Variants in STAC3 observed in about 807,000 individuals in gnomAD.
STAC3 encodes the protein SH3 and cysteine rich domain 3, also known as SH3 and cysteine-rich domain-containing protein 3.
A neutral mutation model predicts 48.5 loss-of-function variants in STAC3; 30 were observed. That is an observed-to-expected ratio of 0.62 (90% CI 0.46 to 0.84). The LOEUF (loss-of-function observed/expected upper bound fraction) is 0.84. Among genes scored for constraint, STAC3 ranks in the 40% least tolerant of loss-of-function variants. The pLI is 0.00. For synonymous variants in STAC3, 144 were observed against 158.6 expected (o/e 0.91, Z 0.69); for missense variants, 419 against 462.6 (o/e 0.91, Z 0.86).
chr12:57,243,849 A>G lies in STAC3; in HGVS notation c.1058T>C (p.Val353Ala). The change falls in exon 12 of 12, where the codon GTG (valine) becomes GCG (alanine). Residue 353 changes from valine (V) to alanine (A), a missense_variant. By Grantham distance (64) the Val-to-Ala change is moderately conservative. Transcript: ENST00000332782. ...GYVKVYTGRK[V>A]GLFPTDFLEE... ...TAGAAAGTCGGTGGGAAACAGCCCCACCTTGCGGCCGGTGTAGACCTTGAC... is the reference window on the plus strand; with the variant it reads ...TAGAAAGTCGGTGGGAAACAGCCCCGCCTTGCGGCCGGTGTAGACCTTGAC... The G allele has an allele frequency of 1.2e-6, 2 of 1,613,936 alleles. No individual in the cohort carries two copies. The highest frequency in any genetic ancestry group is 1.7e-6 in the Non-Finnish European group (2 of 1,179,980).
chr12:57,243,556 C>G lies in STAC3; in HGVS notation c.*256G>C. The G allele has an allele frequency of 2.1e-6, 1 of 473,954 alleles. No homozygotes were observed. The highest frequency in any genetic ancestry group is 4.1e-6 in the Non-Finnish European group (1 of 242,044). 29.4% of individuals were successfully genotyped at this position (473,954 alleles called of 1,614,324 possible). A position where few individuals can be genotyped will look rare whatever the true frequency, so the allele number is the denominator to read the frequency against. On this transcript the variant is annotated 3_prime_UTR_variant, in exon 12 of 12. Transcript: ENST00000332782. ...AGTCCCTGGCTCCTCCTAGTAGATA[C>G]GCGTTTTTTTCCAGCTCTTGCAAGC...
At chr12:57,247,890 T>G (rs547425065) in intron 5 of STAC3, among the ~76,000 whole-genome samples, 2 of 152,284 alleles carry the variant, frequency 1.3e-5, no homozygotes, top group East Asian at 3.9e-4. Context: ...AACTGAAGAT[T>G]CCAGTCTTGG....
At chr12:57,247,422 A>ATTTTTTTTTTT (rs1380789337) in intron 5 of STAC3, among the ~76,000 whole-genome samples, 6 of 68,398 alleles carry the variant, frequency 8.8e-5, no homozygotes, top group African/African-American at 1.8e-4. Flanking sequence ...TATTATTATT[A>ATTTTTTTTTTT]TTATTATTTT....
intron 5 of STAC3, among the ~76,000 whole-genome samples, chr12:57,247,419 A>ATTTTTTT (rs1360362639): frequency 6.2e-4 from 55 of 88,630 alleles, no homozygotes; most frequent in African/African-American, 2.4e-3. Context: ...TATTATTATT[A>ATTTTTTT]TTATTATTAT....
At chr12:57,249,504 A>G (rs1282519423) in intron 2 of STAC3, 67 bp downstream of exon 2, 1 of 1,589,132 alleles carries the variant, frequency 6.3e-7, no homozygotes, top group African/African-American at 1.3e-5. Flanking sequence ...GATCAATTTA[A>G]GCACTCTTCT....
At position 57,248,982 on chromosome 12, in the gene STAC3, C is replaced by T. The variant is rs1306506463; in HGVS notation, c.334+59G>A. ...TGCTACAAATACTCCTCTCCTATGC[C>T]CTCTCCCCAAACCTCTGCCTTCAAT... On this transcript the variant is annotated intron_variant, in intron 3 of 11. Coordinates refer to ENST00000332782, the MANE Select transcript of STAC3 (RefSeq NM_145064.3). The T allele has an allele frequency of 1.9e-6, 3 of 1,562,386 alleles. No homozygotes were observed. In the African/African-American group the frequency reaches 4.1e-5, roughly 21 times the overall value.
chr12:57,245,313 T>G, intron 6 of STAC3, 102 bp from the exon 7 acceptor site: 2 of 1,072,532 alleles, frequency 1.9e-6, no homozygotes, highest in Non-Finnish European at 1.4e-6. Context: ...ATCTCAGAGA[T>G]CTCAGAGTTG....
At chr12:57,245,464 A>C (rs927398754) in intron 6 of STAC3, among the ~76,000 whole-genome samples, 3 of 148,942 alleles carry the variant, frequency 2.0e-5, no homozygotes, top group Non-Finnish European at 4.4e-5. Context: ...CTCCGCCTCC[A>C]GGTTCACGCC....
chr12:57,248,908 C>T, intron 3 of STAC3, 105 bp from the exon 4 acceptor site: 1 of 1,533,262 alleles, frequency 6.5e-7, no homozygotes, highest in Non-Finnish European at 9.0e-7. Context: ...ACCCTACTTG[C>T]TCAATCTCTA....
intron 2 of STAC3, 35 bp downstream of exon 2, chr12:57,249,536 C>A (rs760739551): frequency 3.8e-5 from 58 of 1,526,402 alleles, no homozygotes; most frequent in Non-Finnish European, 1.4e-5. Context: ...GGCTTCCCAG[C>A]CCCCCACACC....
In STAC3 at chr12:57,248,756, G is replaced by A. The variant is rs912482667; in HGVS notation, c.382C>T (p.His128Tyr). ...TCCACATAGGACTGACAGTGTTCAT[G>A]GATGTTGGTTTTGCAGTTCTTACAG... Reference protein sequence around the residue: ...LRCKNCKTNIHEHCQSYVEMQ... With the variant: ...LRCKNCKTNIYEHCQSYVEMQ... Residue 128 changes from histidine (H) to tyrosine (Y), a missense_variant, in exon 4 of 12, where the codon CAT (histidine) becomes TAT (tyrosine). Coordinates refer to ENST00000332782, the MANE Select transcript of STAC3 (RefSeq NM_145064.3). 4 of 1,614,008 alleles carry A rather than the reference G, an allele frequency of 2.5e-6. No individual in the cohort carries two copies. The African/African-American group carries it at 4.0e-5, about 16-fold the overall frequency.
At position 57,248,998 on chromosome 12, in the gene STAC3, T is replaced by C. The variant is rs2037833358; in HGVS notation, c.334+43A>G. On this transcript the variant is annotated intron_variant, in intron 3 of 11. Transcript: ENST00000332782. ...CTCCTATGCCCTCTCCCCAAACCTCTGCCTTCAATATCATACTCTCTTCAC... is the reference window on the plus strand; with the variant it reads ...CTCCTATGCCCTCTCCCCAAACCTCCGCCTTCAATATCATACTCTCTTCAC... 1.9e-6 allele frequency: 3 copies of C among 1,562,358 alleles called. No homozygotes were observed. In the East Asian group the frequency reaches 6.7e-5, roughly 35 times the overall value.
chr12:57,247,977 G>C (rs2037793632), intron 5 of STAC3, 149 bp downstream of exon 5: 2 of 747,986 alleles, frequency 2.7e-6, no homozygotes, highest in Non-Finnish European at 2.4e-6. Flanking sequence ...TATTGCCTCT[G>C]CATCCAAATG....
chr12:57,248,377 CTTTTTTT>C, intron 4 of STAC3, 179 bp from the exon 5 acceptor site: 4 of 452,340 alleles, frequency 8.8e-6, no homozygotes, highest in East Asian at 3.9e-5. Context: ...CATGTCCCCT[CTTTTTTT>C]TTTTTTTTTT....
chr12:57,251,046 A>C lies in STAC3; in HGVS notation c.-55T>G. 2.4e-6 allele frequency: 1 copy of C among 418,158 alleles called. No homozygotes were observed. Among genetic ancestry groups the C allele is most frequent in the Non-Finnish European group, 4.9e-6 (1 of 205,660 alleles). 25.9% of individuals were successfully genotyped at this position (418,158 alleles called of 1,614,324 possible). ...GCTGTAGAGGGAGCTGGGAGCCTCGAGGCCTTGATGGTGGTGCTGGGGAAA... is the reference window on the plus strand; with the variant it reads ...GCTGTAGAGGGAGCTGGGAGCCTCGCGGCCTTGATGGTGGTGCTGGGGAAA... On this transcript the variant is annotated 5_prime_UTR_variant, in exon 1 of 12. Coordinates refer to ENST00000332782, the MANE Select transcript of STAC3 (RefSeq NM_145064.3).
chr12:57,244,421 G>A (rs758442253), intron 9 of STAC3, 55 bp from the exon 10 acceptor site: 14 of 1,613,046 alleles, frequency 8.7e-6, no homozygotes, highest in African/African-American at 1.3e-5. Flanking sequence ...GCTGTGCCCC[G>A]GGTCCAGCAT....
chr12:57,243,638 A>C lies in STAC3; in HGVS notation c.*174T>G. The stretch of plus-strand genomic sequence containing the variant: ...CTGGGCAGCAGGTATCCGAGGCCCC[A>C]GGCTGGGGAAGGGGGCGAGAACCAG... On this transcript the variant is annotated 3_prime_UTR_variant, in exon 12 of 12. Coordinates refer to ENST00000332782, the MANE Select transcript of STAC3 (RefSeq NM_145064.3). 1.4e-6 allele frequency: 1 copy of C among 703,814 alleles called. No homozygotes were observed. Among genetic ancestry groups the C allele is most frequent in the Non-Finnish European group, 2.6e-6 (1 of 390,754 alleles). 43.6% of individuals were successfully genotyped at this position (703,814 alleles called of 1,614,324 possible).
At chr12:57,244,453 T>G (rs1221691326) in intron 9 of STAC3, 84 bp downstream of exon 9, 3 of 1,611,590 alleles carry the variant, frequency 1.9e-6, no homozygotes, top group Non-Finnish European at 2.5e-6. Context: ...AAGCCCTGAG[T>G]CCCCCCTTTT....
intron 5 of STAC3, among the ~76,000 whole-genome samples, chr12:57,247,426 TTA>T (rs1316122301): frequency 7.4e-4 from 31 of 41,690 alleles, no homozygotes; most frequent in African/African-American, 2.6e-3. Flanking sequence ...ATTATTATTA[TTA>T]TTTTTTTTTT....
Sources: gnomAD v4.1 joint callset for allele counts (sites outside exome capture counted in the v4.1 genomes callset) on GRCh38, gnomAD v4.1.1 for gene constraint, MANE v1.5 for transcripts, NCBI Gene and HGNC (gene_info 2026-07-23, HGNC 2026-07-21) for gene names.